CELF4: variants seen among roughly 807,000 people sequenced by gnomAD.
CELF4 encodes CUGBP Elav-like family member 4.
Under a neutral mutation model 59.9 loss-of-function variants are expected in CELF4, and 18 were observed. The ratio of observed to expected loss-of-function variants is 0.30; its 90% CI spans 0.21 to 0.45. CELF4 has a LOEUF of 0.45. CELF4 is among the 20% of genes least tolerant of loss of function. CELF4 has a pLI of 1.00. For synonymous variants in CELF4, 261 were observed against 267.1 expected, an observed-to-expected ratio of 0.98 and a Z score of 0.22; for missense variants, 456 against 689.0, an observed-to-expected ratio of 0.66 and a Z score of 3.79.
chr18:37,508,397 T>C (rs2099940590), intron 1 of CELF4, among the ~76,000 whole-genome samples: 1 of 152,252 alleles, frequency 6.6e-6, no homozygotes, highest in Non-Finnish European at 1.5e-5. Context: ...TTTGCTGTGC[T>C]AATTGCCTGA....
At chr18:37,362,165 T>G (rs939425916) in intron 2 of CELF4, among the ~76,000 whole-genome samples, 3 of 152,036 alleles carry the variant, frequency 2.0e-5, no homozygotes, top group African/African-American at 7.2e-5. Flanking sequence ...CAGGGACAAG[T>G]ACAGATCTTC....
rs1017618579 is a variant in CELF4, at chr18:37,536,711, C to T, written c.286+28645G>A. On this transcript the variant is annotated intron_variant, in intron 1 of 12. Coordinates refer to ENST00000420428, the MANE Select transcript of CELF4 (RefSeq NM_020180.4). ...CCCCAGTCCCCAGGCAGCAAGTCCC[C>T]GCACATCTTGCACTTGCTCCCTCCC... Among the ~76,000 whole-genome samples the T allele has an allele frequency of 3.9e-5, 6 of 152,124 alleles. 1 individual carries two copies. Among genetic ancestry groups the T allele is most frequent in the South Asian group, 2.1e-4 (1 of 4,828 alleles).
chr18:37,452,507 A>G (rs2099766893), intron 2 of CELF4, among the ~76,000 whole-genome samples: 1 of 152,210 alleles, frequency 6.6e-6, no homozygotes, highest in African/African-American at 2.4e-5. Flanking sequence ...TGCCTGGGGT[A>G]GGGACATAGG....
chr18:37,485,893 T>G, intron 1 of CELF4: 3 of 258,650 alleles, frequency 1.2e-5, no homozygotes, highest in East Asian at 6.4e-5. Context: ...GTTCTCTCCT[T>G]ACCCCGTACC....
At chr18:37,343,329 C>CTGTGTGTGTGTGTGTGTGTGTGTG (rs5824051) in intron 2 of CELF4, among the ~76,000 whole-genome samples, 2 of 126,956 alleles carry the variant, frequency 1.6e-5, no homozygotes, top group African/African-American at 3.0e-5. Context: ...GGTGTTGATT[C>CTGTGTGTGTGTGTGTGTGTGTGTG]TGTGTGTGTG....
intron 2 of CELF4, among the ~76,000 whole-genome samples, chr18:37,390,804 G>GAGA (rs759387784): frequency 3.0e-5 from 2 of 66,282 alleles, no homozygotes; most frequent in South Asian, 7.3e-4. Flanking sequence ...TGATGGGGCG[G>GAGA]GGAGGGGGGG....
chr18:37,349,111 G>T (rs2098378036), intron 2 of CELF4, among the ~76,000 whole-genome samples: 1 of 152,244 alleles, frequency 6.6e-6, no homozygotes, highest in Non-Finnish European at 1.5e-5. Flanking sequence ...GGATGAAGCA[G>T]GGGGAGGTGC....
intron 1 of CELF4, among the ~76,000 whole-genome samples, chr18:37,492,917 CCT>C (rs1268799775): frequency 6.6e-6 from 1 of 152,016 alleles, no homozygotes; most frequent in Non-Finnish European, 1.5e-5. Context: ...TGGGTCTGTG[CCT>C]CTCTCTCTGC....
intron 3 of CELF4, among the ~76,000 whole-genome samples, chr18:37,310,791 C>A (rs904249782): frequency 6.6e-6 from 1 of 152,112 alleles, no homozygotes; most frequent in Non-Finnish European, 1.5e-5. Flanking sequence ...CCAGGGCTCA[C>A]TCTGTGCTGT....
intron 2 of CELF4, among the ~76,000 whole-genome samples, chr18:37,457,890 A>G (rs1415414500): frequency 2.0e-5 from 3 of 152,166 alleles, no homozygotes; most frequent in Non-Finnish European, 4.4e-5. Context: ...CCAAGGATCC[A>G]GCACAATCTG....
intron 1 of CELF4, among the ~76,000 whole-genome samples, chr18:37,504,389 G>A (rs2099935208): frequency 6.6e-6 from 1 of 150,996 alleles, no homozygotes; most frequent in Non-Finnish European, 1.5e-5. Flanking sequence ...ACTCTGGAGA[G>A]GTTGCAGTGA....
intron 2 of CELF4, among the ~76,000 whole-genome samples, chr18:37,364,394 G>C (rs1001190763): frequency 2.0e-5 from 3 of 152,216 alleles, no homozygotes; most frequent in Non-Finnish European, 4.4e-5. Context: ...TTCCCAGCCT[G>C]GGCTCTAGAA....
chr18:37,460,521 C>T (rs774021164), intron 2 of CELF4, among the ~76,000 whole-genome samples: 9 of 152,202 alleles, frequency 5.9e-5, no homozygotes, highest in Non-Finnish European at 1.2e-4. Context: ...CAAGCAAACT[C>T]TTTCCTCTCC....
At chr18:37,262,952 G>A (rs764741101) in intron 10 of CELF4, among the ~76,000 whole-genome samples, 9 of 152,206 alleles carry the variant, frequency 5.9e-5, no homozygotes, top group South Asian at 4.1e-4. Flanking sequence ...CCTGTAACTT[G>A]GCTTTCCTGG....
chr18:37,462,940 G>A (rs1260393935), intron 2 of CELF4, among the ~76,000 whole-genome samples: 1 of 152,110 alleles, frequency 6.6e-6, no homozygotes, highest in Non-Finnish European at 1.5e-5. Context: ...GATAATGCAA[G>A]GTGTACCATG....
intron 1 of CELF4, among the ~76,000 whole-genome samples, chr18:37,564,749 C>A (rs976430586): frequency 2.0e-5 from 3 of 151,932 alleles, no homozygotes; most frequent in Middle Eastern, 3.2e-3. Flanking sequence ...CCCCCCCACC[C>A]CCAACACACA....
rs1400325563 is a variant in CELF4, at chr18:37,328,731, C to T, written c.370-6850G>A. Among the ~76,000 whole-genome samples, 4 of 152,164 alleles carry T rather than the reference C, an allele frequency of 2.6e-5. No homozygotes were observed. In the East Asian group the frequency reaches 7.7e-4, roughly 29 times the overall value. On this transcript the variant is annotated intron_variant, in intron 2 of 12. Coordinates refer to ENST00000420428, the MANE Select transcript of CELF4 (RefSeq NM_020180.4). ...TTAGGACAACACCAGTTCCTATCCA[C>T]CCAGATAACTCAGGTTTTATGCTCT...
Position 37,488,770 on chromosome 18 carries a change from T to C in CELF4, c.287-3163A>G, listed in dbSNP as rs563970856. On this transcript the variant is annotated intron_variant, in intron 1 of 12. Coordinates refer to ENST00000420428, the MANE Select transcript of CELF4 (RefSeq NM_020180.4). Reference sequence around the variant, plus strand: ...CTTTCCTCCCCTTCCAATGTAGAAATTCCTCCTGCCTCCCTTCCCTTTTCG... The same window carrying C: ...CTTTCCTCCCCTTCCAATGTAGAAACTCCTCCTGCCTCCCTTCCCTTTTCG... 4.3e-4 allele frequency among the ~76,000 whole-genome samples: 66 copies of C among 152,258 alleles called. No individual in the cohort carries two copies. The South Asian group carries it at 0.013, about 31-fold the overall frequency.
chr18:37,402,482 C>T (rs542504600), intron 2 of CELF4, among the ~76,000 whole-genome samples: 146 of 152,242 alleles, frequency 9.6e-4, no homozygotes, highest in Non-Finnish European at 1.7e-3. Flanking sequence ...GGTGGACCCC[C>T]CTCTTCTTGT....
Sources: gnomAD v4.1 joint callset for allele counts (sites outside exome capture counted in the v4.1 genomes callset) on GRCh38, gnomAD v4.1.1 for gene constraint, MANE v1.5 for transcripts, NCBI Gene and HGNC (gene_info 2026-07-23, HGNC 2026-07-21) for gene names.